LHFPL6: variants seen among roughly 807,000 people sequenced by gnomAD.
The protein encoded by LHFPL6 is LHFPL tetraspan subfamily member 6 protein.
Under a neutral mutation model 20.6 loss-of-function variants are expected in LHFPL6, and 9 were observed. The ratio of observed to expected loss-of-function variants is 0.44; its 90% CI spans 0.26 to 0.76. The LOEUF (loss-of-function observed/expected upper bound fraction) is 0.76. Ranked by LOEUF, LHFPL6 falls within the 30% of genes least tolerant of loss-of-function variation. The probability of loss-of-function intolerance (pLI) is 0.20; values close to 1 mark genes in which losing one functional copy is unlikely to be tolerated. For synonymous variants in LHFPL6, 105 were observed against 98.7 expected, an observed-to-expected ratio of 1.06 and a Z score of -0.38; for missense variants, 218 against 253.5, an observed-to-expected ratio of 0.86 and a Z score of 0.95.
At chr13:39,544,014 T>A (rs1027826036) in intron 2 of LHFPL6, among the ~76,000 whole-genome samples, 15 of 152,200 alleles carry the variant, frequency 9.9e-5, no homozygotes, top group Non-Finnish European at 1.9e-4. Context: ...TGGAAAACTA[T>A]CATAGACTTT....
chr13:39,477,810 C>T (rs529779696), intron 2 of LHFPL6, among the ~76,000 whole-genome samples: 4 of 152,166 alleles, frequency 2.6e-5, no homozygotes, highest in East Asian at 1.9e-4. Context: ...TTTAGCTCTT[C>T]GTATGGTTTA....
intron 2 of LHFPL6, among the ~76,000 whole-genome samples, chr13:39,392,771 A>G (rs907898585): frequency 6.6e-6 from 1 of 151,990 alleles, no homozygotes; most frequent in Non-Finnish European, 1.5e-5. Flanking sequence ...TCAAAGCACG[A>G]GATACATTTT....
At chr13:39,375,815 A>G (rs141729955) in intron 3 of LHFPL6, among the ~76,000 whole-genome samples, 1 of 152,250 alleles carries the variant, frequency 6.6e-6, no homozygotes, top group African/African-American at 2.4e-5. Flanking sequence ...ACCTAGAGAA[A>G]CAGACCTTGA....
intron 3 of LHFPL6, among the ~76,000 whole-genome samples, chr13:39,365,935 CAA>C (rs1366776070): frequency 1.3e-5 from 2 of 152,140 alleles, no homozygotes; most frequent in African/African-American, 4.8e-5. Flanking sequence ...TACTGGGTAT[CAA>C]AATACTAAAA....
chr13:39,578,093 G>C (rs1016000468), intron 2 of LHFPL6, among the ~76,000 whole-genome samples: 1 of 152,144 alleles, frequency 6.6e-6, no homozygotes, highest in African/African-American at 2.4e-5. Flanking sequence ...AGTGTTCTCA[G>C]TGCATTCACC....
At chr13:39,550,000 C>T (rs1385927663) in intron 2 of LHFPL6, among the ~76,000 whole-genome samples, 1 of 151,794 alleles carries the variant, frequency 6.6e-6, no homozygotes, top group Non-Finnish European at 1.5e-5. Context: ...AATGAGAATG[C>T]CAATAAATGG....
chr13:39,523,232 TTC>T (rs1435273911), intron 2 of LHFPL6, among the ~76,000 whole-genome samples: 6 of 152,178 alleles, frequency 3.9e-5, no homozygotes, highest in Admixed American at 3.9e-4. Flanking sequence ...AGGGTTAGAT[TTC>T]TGAAAACTCA....
chr13:39,597,516 C>T (rs1872805449), intron 2 of LHFPL6, among the ~76,000 whole-genome samples: 1 of 152,218 alleles, frequency 6.6e-6, no homozygotes, highest in South Asian at 2.1e-4. Flanking sequence ...CTCCTAGCAT[C>T]CTTACCACAC....
At chr13:39,485,112 A>C (rs559944093) in intron 2 of LHFPL6, among the ~76,000 whole-genome samples, 1 of 152,294 alleles carries the variant, frequency 6.6e-6, no homozygotes, top group African/African-American at 2.4e-5. Context: ...CTCATGAGTC[A>C]GTGACCACTC....
At chr13:39,369,597 T>TCCTTCCCTC (rs763910245) in intron 3 of LHFPL6, among the ~76,000 whole-genome samples, 3 of 87,378 alleles carry the variant, frequency 3.4e-5, no homozygotes, top group Admixed American at 1.2e-4. Context: ...CTTCCTTCCT[T>TCCTTCCCTC]CCTCCCTCTC....
intron 3 of LHFPL6, among the ~76,000 whole-genome samples, chr13:39,360,756 CA>C (rs60151758): frequency 0.054 from 2,598 of 48,164 alleles, 766 homozygotes; most frequent in Middle Eastern, 0.23. Context: ...TGTAAGGGGA[CA>C]AAAAAAAAAA....
chr13:39,483,869 A>G (rs1868623941), intron 2 of LHFPL6, among the ~76,000 whole-genome samples: 4 of 152,324 alleles, frequency 2.6e-5, no homozygotes, highest in Middle Eastern at 3.4e-3. Flanking sequence ...TTTAACATGT[A>G]TAAGAGACCA....
At chr13:39,418,101 C>G (rs552180879) in intron 2 of LHFPL6, among the ~76,000 whole-genome samples, 1 of 152,048 alleles carries the variant, frequency 6.6e-6, no homozygotes, top group Non-Finnish European at 1.5e-5. Flanking sequence ...CTCCACCATC[C>G]CACTCCCACC....
intron 2 of LHFPL6, among the ~76,000 whole-genome samples, chr13:39,496,328 C>T (rs78798246): frequency 0.025 from 3,861 of 152,198 alleles, 152 homozygotes; most frequent in African/African-American, 0.088. Context: ...TAATCCCATT[C>T]ATAAGGGCTC....
chr13:39,430,911 T>A (rs147575895), intron 2 of LHFPL6, among the ~76,000 whole-genome samples: 1 of 152,336 alleles, frequency 6.6e-6, no homozygotes, highest in African/African-American at 2.4e-5. Flanking sequence ...CAGGTCCCCT[T>A]CCACGCTGTT....
At chr13:39,585,788 AT>A (rs746473564) in intron 2 of LHFPL6, among the ~76,000 whole-genome samples, 1 of 152,170 alleles carries the variant, frequency 6.6e-6, no homozygotes, top group Non-Finnish European at 1.5e-5. Context: ...TTAGAGAATC[AT>A]TCTTTGCTCA....
intron 2 of LHFPL6, among the ~76,000 whole-genome samples, chr13:39,463,708 G>A (rs1872737744): frequency 6.6e-6 from 1 of 152,074 alleles, no homozygotes; most frequent in Non-Finnish European, 1.5e-5. Flanking sequence ...AGGGCAGGGA[G>A]GTATGAAATC....
chr13:39,471,428 G>GC (rs1369266032), intron 2 of LHFPL6, among the ~76,000 whole-genome samples: 1 of 152,152 alleles, frequency 6.6e-6, no homozygotes, highest in African/African-American at 2.4e-5. Context: ...ACCATGATAA[G>GC]CGGAGGCCAA....
chr13:39,434,102 C>A (rs1011634607), intron 2 of LHFPL6, among the ~76,000 whole-genome samples: 1 of 152,194 alleles, frequency 6.6e-6, no homozygotes, highest in Non-Finnish European at 1.5e-5. Context: ...TGCTCAGAGG[C>A]AGCATGGGTC....
Sources: gnomAD v4.1 joint callset for allele counts (sites outside exome capture counted in the v4.1 genomes callset) on GRCh38, gnomAD v4.1.1 for gene constraint, MANE v1.5 for transcripts, NCBI Gene and HGNC (gene_info 2026-07-23, HGNC 2026-07-21) for gene names.